Variants in PPP2R1A observed in about 807,000 individuals in gnomAD.
The protein encoded by PPP2R1A is protein phosphatase 2 scaffold subunit Aalpha, also known as serine/threonine-protein phosphatase 2A 65 kDa regulatory subunit A alpha isoform.
PPP2R1A carries 15 observed loss-of-function variants against 67.1 expected under a neutral mutation model. That is an observed-to-expected ratio of 0.22 (90% CI 0.15 to 0.34). The LOEUF is 0.34. Among genes scored for constraint, PPP2R1A ranks in the 10% least tolerant of loss-of-function variants. PPP2R1A has a pLI of 1.00. For synonymous variants in PPP2R1A, 337 were observed against 325.0 expected, an observed-to-expected ratio of 1.04 and a Z score of -0.40; for missense variants, 369 against 775.0, an observed-to-expected ratio of 0.48 and a Z score of 6.22.
chr19:52,222,436 G>A lies in PPP2R1A; in HGVS notation c.1661+195G>A. On this transcript the variant is annotated intron_variant, in intron 13 of 14. Transcript: ENST00000322088. ...ACATCACAGCATGAAATAGAAAGAG[G>A]GGGTGATGGGTTGGCAGTCCTGTAT... The A allele has an allele frequency of 3.9e-6, 3 of 774,198 alleles. No individual in the cohort carries two copies. The South Asian group carries it at 8.3e-5, about 21-fold the overall frequency. The allele number at this position is 774,198 out of a possible 1,614,324, so 48.0% of individuals were successfully genotyped here.
Position 52,226,266 on chromosome 19 carries a change from G to T in PPP2R1A, c.*285G>T, listed in dbSNP as rs1288418257. 3 of 490,180 alleles carry T rather than the reference G, an allele frequency of 6.1e-6. No homozygotes were observed. Among genetic ancestry groups the T allele is most frequent in the African/African-American group, 5.8e-5 (3 of 51,350 alleles). The allele number at this position is 490,180 out of a possible 1,614,324, so 30.4% of individuals were successfully genotyped here. A position where few individuals can be genotyped will look rare whatever the true frequency, so the allele number is the denominator to read the frequency against. On this transcript the variant is annotated 3_prime_UTR_variant, in exon 15 of 15. Coordinates refer to ENST00000322088, the MANE Select transcript of PPP2R1A (RefSeq NM_014225.6). ...GAGATGTGAGCATCCCGGGTCACTGGATCCTGCTGCTGTAATGGGAACCCC... is the reference window on the plus strand; with the variant it reads ...GAGATGTGAGCATCCCGGGTCACTGTATCCTGCTGCTGTAATGGGAACCCC...
intron 9 of PPP2R1A, among the ~76,000 whole-genome samples, chr19:52,217,543 T>G (rs1978653361): frequency 6.6e-6 from 1 of 152,148 alleles, no homozygotes; most frequent in Non-Finnish European, 1.5e-5. Context: ...AGACTGGCAG[T>G]GGAGAGAGAC....
Position 52,227,134 on chromosome 19 carries a change from C to T in PPP2R1A, c.*1153C>T, listed in dbSNP as rs1292779014. ...GATTCAAGGTATTTTCCTAGTGTCT[C>T]TTGAAATTAGGTGTGGTATTGTGAC... On this transcript the variant is annotated 3_prime_UTR_variant, in exon 15 of 15. Coordinates refer to ENST00000322088, the MANE Select transcript of PPP2R1A (RefSeq NM_014225.6). The T allele has an allele frequency of 6.6e-6, 1 of 152,108 alleles. No individual in the cohort carries two copies. Among genetic ancestry groups the T allele is most frequent in the Non-Finnish European group, 1.5e-5 (1 of 68,008 alleles). 9.4% of individuals were successfully genotyped at this position (152,108 alleles called of 1,614,324 possible).
At position 52,213,014 on chromosome 19, in the gene PPP2R1A, G is replaced by A. The variant is rs2122338096; in HGVS notation, c.711G>A (p.Gln237=). 1 of 1,612,234 alleles carries A rather than the reference G, an allele frequency of 6.2e-7. No individual in the cohort carries two copies. The highest frequency in any genetic ancestry group is 1.1e-5 in the South Asian group (1 of 90,952). The change falls in exon 6 of 15, where the codon CAG becomes CAA. Residue 237 remains glutamine, a synonymous_variant. Coordinates refer to ENST00000322088, the MANE Select transcript of PPP2R1A (RefSeq NM_014225.6). This position sits in a 1 kb window ranked among gnomAD's most constrained non-coding sequence, Gnocchi z 4.2. The part of the protein sequence containing the change: ...ACVNIAQLLP[Q]EDLEALVMPT... ...TGAACATCGCCCAGCTTCTGCCCCA[G>A]GAGGATCTGGAGGCCCTGGTGATGC...
At chr19:52,222,492 A>G in intron 13 of PPP2R1A, 1 of 401,330 alleles carries the variant, frequency 2.5e-6, no homozygotes, top group Non-Finnish European at 4.4e-6. Flanking sequence ...AAATGAAATC[A>G]CCTTATGTTT....
chr19:52,193,977 G>A (rs910371527), intron 1 of PPP2R1A, among the ~76,000 whole-genome samples: 3 of 149,790 alleles, frequency 2.0e-5, no homozygotes, highest in East Asian at 2.0e-4. Flanking sequence ...TAGCTGGTGT[G>A]ATGACACAGG....
At chr19:52,199,837 T>C (rs762139622) in intron 1 of PPP2R1A, among the ~76,000 whole-genome samples, 4 of 152,248 alleles carry the variant, frequency 2.6e-5, no homozygotes, top group South Asian at 2.1e-4. Flanking sequence ...TCTGTCTCTA[T>C]ATACGTTTTA....
In PPP2R1A at chr19:52,227,049, A is replaced by G. The variant is rs943460311; in HGVS notation, c.*1068A>G. On this transcript the variant is annotated 3_prime_UTR_variant, in exon 15 of 15. Coordinates refer to ENST00000322088, the MANE Select transcript of PPP2R1A (RefSeq NM_014225.6). ...GGCAAGATAGATCAGTTATCTCGGT[A>G]TCTATTCTCCCCTTCCTAATGTAGA... 10 of 152,148 alleles carry G rather than the reference A, an allele frequency of 6.6e-5. No individual in the cohort carries two copies. Among genetic ancestry groups the G allele is most frequent in the Admixed American group, 3.3e-4 (5 of 15,272 alleles). 9.4% of individuals were successfully genotyped at this position (152,148 alleles called of 1,614,324 possible).
At chr19:52,224,205 A>G (rs544455207) in intron 13 of PPP2R1A, among the ~76,000 whole-genome samples, 13 of 152,338 alleles carry the variant, frequency 8.5e-5, no homozygotes, top group African/African-American at 1.7e-4. Context: ...GGAACTGTCA[A>G]CTGAAAGTGT....
intron 3 of PPP2R1A, among the ~76,000 whole-genome samples, chr19:52,207,841 G>A (rs1168989042): frequency 1.3e-5 from 2 of 152,094 alleles, no homozygotes; most frequent in African/African-American, 4.8e-5. Flanking sequence ...ATCCTCAGAG[G>A]GCTCCTGGTT....
intron 2 of PPP2R1A, among the ~76,000 whole-genome samples, chr19:52,204,015 A>G (rs867113258): frequency 9.2e-5 from 14 of 152,174 alleles, no homozygotes; most frequent in Admixed American, 8.5e-4. Context: ...TATGTGTTTC[A>G]CCATCTGGAA....
intron 14 of PPP2R1A, 73 bp downstream of exon 14, chr19:52,225,881 A>G: frequency 6.2e-7 from 1 of 1,612,846 alleles, no homozygotes; most frequent in Non-Finnish European, 8.5e-7. Flanking sequence ...TGTGGGCAGC[A>G]GCTTCTGGGA....
intron 1 of PPP2R1A, chr19:52,201,319 T>C (rs1395907453): frequency 1.3e-5 from 2 of 152,186 alleles, no homozygotes; most frequent in Non-Finnish European, 2.9e-5. Flanking sequence ...TTTTTTTTTC[T>C]CTTTGAGACA....
chr19:52,192,306 T>C (rs1449202601), intron 1 of PPP2R1A, among the ~76,000 whole-genome samples: 2 of 151,806 alleles, frequency 1.3e-5, no homozygotes, highest in Admixed American at 6.6e-5. Flanking sequence ...GCCTTTTTTT[T>C]TTTTTCTTCT....
chr19:52,226,006 C>T lies in PPP2R1A; in HGVS notation c.*25C>T. On this transcript the variant is annotated 3_prime_UTR_variant, in exon 15 of 15. Transcript: ENST00000322088. Reference sequence around the variant, plus strand: ...ATGCTGGAAGAGGAGCAAACACTGGCCTCTGGTGTCCACCCTCCAACCCCC... The same window carrying T: ...ATGCTGGAAGAGGAGCAAACACTGGTCTCTGGTGTCCACCCTCCAACCCCC... The T allele has an allele frequency of 6.2e-7, 1 of 1,614,196 alleles. No homozygotes were observed. Among genetic ancestry groups the T allele is most frequent in the Non-Finnish European group, 8.5e-7 (1 of 1,180,020 alleles).
chr19:52,214,837 G>A (rs756114937), intron 6 of PPP2R1A, among the ~76,000 whole-genome samples: 10 of 150,986 alleles, frequency 6.6e-5, no homozygotes, highest in African/African-American at 1.2e-4. Flanking sequence ...AGTGATTCTC[G>A]TGCCTTAGCC....
chr19:52,195,867 G>A (rs2089492628), intron 1 of PPP2R1A, among the ~76,000 whole-genome samples: 1 of 152,094 alleles, frequency 6.6e-6, no homozygotes, highest in South Asian at 2.1e-4. Flanking sequence ...TTTTATAAAG[G>A]CATTGTTAGG....
In PPP2R1A at chr19:52,211,237, G is replaced by A; in HGVS notation, c.271-23G>A. 6.2e-7 allele frequency: 1 copy of A among 1,607,422 alleles called. No homozygotes were observed. The highest frequency in any genetic ancestry group is 8.5e-7 in the Non-Finnish European group (1 of 1,177,046). ...CGGATGGTGGAGAGGGAGCTGTCCA[G>A]TGACTTTGTGTTCTCACCACAGCCA... On this transcript the variant is annotated intron_variant, in intron 3 of 14. Transcript: ENST00000322088. The surrounding 1 kb of genome is among the most constrained non-coding windows in gnomAD (Gnocchi z 5.3).
intron 1 of PPP2R1A, among the ~76,000 whole-genome samples, chr19:52,196,720 G>A (rs2089499548): frequency 6.6e-6 from 1 of 152,146 alleles, no homozygotes; most frequent in African/African-American, 2.4e-5. Flanking sequence ...GGCAATCCAG[G>A]CTGCTGTGGC....
Sources: gnomAD v4.1 joint callset for allele counts (sites outside exome capture counted in the v4.1 genomes callset) on GRCh38, gnomAD v4.1.1 for gene constraint, Gnocchi (gnomAD v3.1) non-coding constraint, MANE v1.5 for transcripts, NCBI Gene and HGNC (gene_info 2026-07-23, HGNC 2026-07-21) for gene names.